KMT2C: variants seen among roughly 807,000 people sequenced by gnomAD.
KMT2C encodes the protein lysine methyltransferase 2C, also known as histone-lysine N-methyltransferase 2C.
In KMT2C, 88 loss-of-function variants were observed where a neutral mutation model predicts 507.9. The observed-to-expected ratio is 0.17, with a 90% CI of 0.15 to 0.21. KMT2C has a LOEUF of 0.21. Ranked by LOEUF, KMT2C falls within the 10% of genes least tolerant of loss-of-function variation. The pLI, the probability that KMT2C is intolerant of heterozygous loss-of-function variation, is 1.00. For missense variants in KMT2C, 4,954 were observed against 5,957.8 expected (o/e 0.83, Z 5.55); for synonymous variants, 2,049 against 2,080.8 (o/e 0.98, Z 0.42).
At chr7:152,196,971 A>G (rs1246015933) in intron 27 of KMT2C, among the ~76,000 whole-genome samples, 4 of 152,140 alleles carry the variant, frequency 2.6e-5, no homozygotes, top group African/African-American at 9.7e-5. Flanking sequence ...GATTATGGGG[A>G]AGACTGGGTT....
chr7:152,358,737 CTT>C, intron 1 of KMT2C, 62 bp from the exon 2 acceptor site: 1 of 1,082,400 alleles, frequency 9.2e-7, no homozygotes, highest in East Asian at 2.4e-5. Context: ...AAGGCTTAGA[CTT>C]ATATTCAACA....
Position 152,149,006 on chromosome 7 carries a change from G to T in KMT2C, c.12921C>A (p.Ile4307=). 1 of 1,560,310 alleles carries T rather than the reference G, an allele frequency of 6.4e-7. No individual in the cohort carries two copies. The highest frequency in any genetic ancestry group is 8.7e-7 in the Non-Finnish European group (1 of 1,155,772). ...CTGCTTCAAAAGCAGGAGGGAAGGC[G>T]ATGGGTGGTGAGGCAGGGGGAGAAG... ...EKASPPASPP[I]AFPPAFEAAQ... is the part of the protein sequence containing the mutation. The change falls in exon 52 of 59, where the codon ATC becomes ATA. Residue 4307 remains isoleucine, a synonymous_variant. Coordinates refer to ENST00000262189, the MANE Select transcript of KMT2C (RefSeq NM_170606.3).
At chr7:152,180,151 C>T (rs1293505878) in intron 36 of KMT2C, 25 bp from the exon 37 acceptor site, 1 of 1,612,470 alleles carries the variant, frequency 6.2e-7, no homozygotes, top group Non-Finnish European at 8.5e-7. Flanking sequence ...ACAAAAATCA[C>T]TGGGATTTGT....
chr7:152,163,603 C>G lies in KMT2C; in HGVS notation c.9974G>C (p.Ser3325Thr), dbSNP rs202148187. The change falls in exon 43 of 59, where the codon AGC (serine) becomes ACC (threonine). Residue 3325 changes from serine (S) to threonine (T), a missense_variant. Transcript: ENST00000262189. ...AGGTAAACTGGGCATTCTAACAGGG[C>G]TAGTATGGCCAGAAATAACTGTTGT... ...QHTTVISGHT[S>T]PVRMPSLPGW... The G allele has an allele frequency of 6.2e-7, 1 of 1,605,946 alleles. No homozygotes were observed. Among genetic ancestry groups the G allele is most frequent in the Non-Finnish European group, 8.5e-7 (1 of 1,175,330 alleles).
chr7:152,139,929 G>T, intron 55 of KMT2C, 138 bp from the exon 56 acceptor site: 3 of 656,794 alleles, frequency 4.6e-6, no homozygotes, highest in South Asian at 2.0e-5. Context: ...TTTTGAATAT[G>T]CTATTTTCTG....
intron 1 of KMT2C, among the ~76,000 whole-genome samples, chr7:152,411,679 A>G (rs2097686103): frequency 6.6e-6 from 1 of 152,212 alleles, no homozygotes; most frequent in Non-Finnish European, 1.5e-5. Context: ...CTCTAATGTT[A>G]ACGCTTTAGT....
chr7:152,423,341 G>T (rs1439670963), intron 1 of KMT2C, among the ~76,000 whole-genome samples: 8 of 152,084 alleles, frequency 5.3e-5, no homozygotes, highest in Non-Finnish European at 8.8e-5. Context: ...CTCTGTCTCA[G>T]AAAACAAACA....
At position 152,248,355 on chromosome 7, in the gene KMT2C, A is replaced by T. The variant is rs1270542339; in HGVS notation, c.2079T>A (p.Thr693=). 4.3e-6 allele frequency: 7 copies of T among 1,613,970 alleles called. No homozygotes were observed. In the South Asian group the frequency reaches 7.7e-5, roughly 18 times the overall value. ...RPPKLVMESV[T]LPLETLVSPH... ...GGGACACTAAGGTTTCTAGTGGAAG[A>T]GTGACAGATTCCATGACTAATTTTG... The change falls in exon 14 of 59, where the codon ACT becomes ACA. Residue 693 remains threonine (T), a synonymous_variant. Coordinates refer to ENST00000262189, the MANE Select transcript of KMT2C (RefSeq NM_170606.3).
At chr7:152,316,342 T>A (rs937963394) in intron 3 of KMT2C, among the ~76,000 whole-genome samples, 2 of 152,126 alleles carry the variant, frequency 1.3e-5, no homozygotes, top group African/African-American at 4.8e-5. Flanking sequence ...GGGAAACTGC[T>A]GGGGGTAGAG....
chr7:152,248,555 C>G lies in KMT2C; in HGVS notation c.1879G>C (p.Asp627His), dbSNP rs767014711. ...KQISNEVDSE[D>H]LKMSSEVKHI... ...TTCACTTCAGAAGACATTTTCAGGT[C>G]TTCACTATCAACTTCATTAGAAATC... Residue 627 changes from aspartate to histidine, a missense_variant, in exon 14 of 59, where the codon GAC (aspartate) becomes CAC (histidine). Transcript: ENST00000262189. 42 of 1,613,816 alleles carry G rather than the reference C, an allele frequency of 2.6e-5. No individual in the cohort carries two copies. The highest frequency in any genetic ancestry group is 3.4e-5 in the Non-Finnish European group (40 of 1,179,902).
chr7:152,237,564 C>G (rs943412966), intron 15 of KMT2C, among the ~76,000 whole-genome samples: 4 of 152,188 alleles, frequency 2.6e-5, no homozygotes, highest in African/African-American at 9.7e-5. Flanking sequence ...ATGGTGCGAT[C>G]TTGGCTCACT....
chr7:152,171,276 C>A lies in KMT2C; in HGVS notation c.9441G>T (p.Gln3147His), dbSNP rs1365545429. 1 of 1,607,416 alleles carries A rather than the reference C, an allele frequency of 6.2e-7. No homozygotes were observed. The highest frequency in any genetic ancestry group is 1.7e-5 in the Admixed American group (1 of 59,102). Residue 3147 changes from glutamine to histidine, a missense_variant, in exon 40 of 59, where the codon CAG (glutamine) becomes CAT (histidine). Gln to His is a conservative substitution (Grantham distance 24, BLOSUM62 0). Coordinates refer to ENST00000262189, the MANE Select transcript of KMT2C (RefSeq NM_170606.3). The stretch of plus-strand genomic sequence containing the variant: ...CAGGCAGTGTTACCTGAGGAATGGC[C>A]TGTGGTCCAAGGTTCTGTCCTTCAC... ...QNSEGQNLGPQAIPQDGSITH... is the reference protein window; with the variant it reads ...QNSEGQNLGPHAIPQDGSITH...
chr7:152,187,096 G>A lies in KMT2C; in HGVS notation c.5008+166C>T, dbSNP rs78364365. ...ATATGAGGATGGATGCAGGGTCTAG[G>A]ACAAAGTAAAATGCAAGATGTTTCT... On this transcript the variant is annotated intron_variant, in intron 33 of 58. Coordinates refer to ENST00000262189, the MANE Select transcript of KMT2C (RefSeq NM_170606.3). Among the ~76,000 whole-genome samples, 460 of 152,040 alleles carry A rather than the reference G, an allele frequency of 3.0e-3. 2 individuals carry two copies. The highest frequency in any genetic ancestry group is 0.01 in the African/African-American group (432 of 41,468).
chr7:152,243,797 A>G (rs760572797), intron 14 of KMT2C, among the ~76,000 whole-genome samples: 16 of 152,164 alleles, frequency 1.1e-4, no homozygotes, highest in Non-Finnish European at 2.1e-4. Flanking sequence ...AAACAGATAA[A>G]TAAGTAAAAA....
chr7:152,235,269 T>A (rs186457442), intron 16 of KMT2C, among the ~76,000 whole-genome samples: 1 of 150,788 alleles, frequency 6.6e-6, no homozygotes, highest in Non-Finnish European at 1.5e-5. Flanking sequence ...TTATATCAAC[T>A]GTACCTCAAT....
At position 152,336,089 on chromosome 7, in the gene KMT2C, T is replaced by C. The variant is rs576497299; in HGVS notation, c.251-5350A>G. Among the ~76,000 whole-genome samples the C allele has an allele frequency of 1.3e-3, 205 of 152,244 alleles. 1 individual carries two copies. The highest frequency in any genetic ancestry group is 1.9e-3 in the Non-Finnish European group (130 of 68,008). On this transcript the variant is annotated intron_variant, in intron 2 of 58. Coordinates refer to ENST00000262189, the MANE Select transcript of KMT2C (RefSeq NM_170606.3). ...CTGCTAAAGAAACAGTAGGGAGCGA[T>C]AGTTTTGGTTTTACTTTTGGTTTAG...
At chr7:152,409,132 T>G (rs1311446705) in intron 1 of KMT2C, among the ~76,000 whole-genome samples, 1 of 151,812 alleles carries the variant, frequency 6.6e-6, no homozygotes, top group Non-Finnish European at 1.5e-5. Flanking sequence ...AGCCTCCCGA[T>G]TAGCTGGGAT....
At position 152,391,871 on chromosome 7, in the gene KMT2C, G is replaced by A. The variant is rs374630218; in HGVS notation, c.162-33196C>T. On this transcript the variant is annotated intron_variant, in intron 1 of 58. Transcript: ENST00000262189. ...TCCTCAAAAGAGCTGGAGTATAAAC[G>A]AAAACACAAAGAGCTTTGAGTCTCA... 2.6e-4 allele frequency among the ~76,000 whole-genome samples: 39 copies of A among 152,182 alleles called. No homozygotes were observed. In the East Asian group the frequency reaches 4.2e-3, roughly 17 times the overall value.
intron 14 of KMT2C, among the ~76,000 whole-genome samples, chr7:152,242,482 G>T (rs1459584284): frequency 6.6e-6 from 1 of 152,074 alleles, no homozygotes; most frequent in Admixed American, 6.5e-5. Flanking sequence ...TCATTATTAA[G>T]TTGTAAATAG....
Sources: gnomAD v4.1 joint callset for allele counts (sites outside exome capture counted in the v4.1 genomes callset) on GRCh38, gnomAD v4.1.1 for gene constraint, MANE v1.5 for transcripts, NCBI Gene and HGNC (gene_info 2026-07-23, HGNC 2026-07-21) for gene names.